VPS54: variants seen among roughly 807,000 people sequenced by gnomAD.
VPS54 encodes VPS54 subunit of GARP complex.
In VPS54, 45 loss-of-function variants were observed where a neutral mutation model predicts 121.5. The ratio of observed to expected loss-of-function variants is 0.37; its 90% CI spans 0.29 to 0.47. The LOEUF (loss-of-function observed/expected upper bound fraction) is 0.47. VPS54 is among the 20% of genes least tolerant of loss of function. The pLI is 0.99. For synonymous variants in VPS54, 371 were observed against 385.8 expected, an observed-to-expected ratio of 0.96 and a Z score of 0.45; for missense variants, 1,090 against 1,131.4, an observed-to-expected ratio of 0.96 and a Z score of 0.52.
At chr2:63,994,466 T>C (rs992811883) in intron 1 of VPS54, among the ~76,000 whole-genome samples, 1 of 152,110 alleles carries the variant, frequency 6.6e-6, no homozygotes, top group Non-Finnish European at 1.5e-5. Context: ...CTAATGATAG[T>C]GTGTGGATGC....
chr2:63,937,412 T>C (rs1674502553), intron 11 of VPS54, among the ~76,000 whole-genome samples: 1 of 152,150 alleles, frequency 6.6e-6, no homozygotes, highest in East Asian at 1.9e-4. Context: ...TCACTCATCA[T>C]TAGAAAAATG....
rs572302287 is a variant in VPS54 at position 63,910,917 on chromosome 2, G to C, written c.2625+1428C>G. Among the ~76,000 whole-genome samples, 105 of 152,148 alleles carry C rather than the reference G, an allele frequency of 6.9e-4. 1 individual carries two copies. The South Asian group carries it at 0.021, about 31-fold the overall frequency. ...ATTAATTGTTCCACTATTTTTGTTTGTTTGTTTTAGAGACCGGGTCTTGCT... is the reference window on the plus strand; with the variant it reads ...ATTAATTGTTCCACTATTTTTGTTTCTTTGTTTTAGAGACCGGGTCTTGCT... On this transcript the variant is annotated intron_variant, in intron 20 of 22. Transcript: ENST00000272322.
chr2:63,996,925 A>T (rs1003815890), intron 1 of VPS54, among the ~76,000 whole-genome samples: 2 of 151,956 alleles, frequency 1.3e-5, no homozygotes, highest in Admixed American at 6.6e-5. Flanking sequence ...CCCACACCCT[A>T]TTCATACACT....
At chr2:63,977,574 T>C (rs971462188) in intron 3 of VPS54, among the ~76,000 whole-genome samples, 3 of 152,242 alleles carry the variant, frequency 2.0e-5, no homozygotes, top group Admixed American at 6.5e-5. Flanking sequence ...GATTCTTAGT[T>C]TCCATCTCTC....
chr2:63,997,155 C>CT (rs1677636146), intron 1 of VPS54, among the ~76,000 whole-genome samples: 1 of 152,158 alleles, frequency 6.6e-6, no homozygotes, highest in Non-Finnish European at 1.5e-5. Context: ...AGACATAGGC[C>CT]TGCAGTTTCG....
At chr2:63,962,993 T>C (rs376943662) in intron 6 of VPS54, among the ~76,000 whole-genome samples, 3 of 152,128 alleles carry the variant, frequency 2.0e-5, no homozygotes, top group East Asian at 3.8e-4. Context: ...AGTTACTAAG[T>C]AGCAAAACTA....
At chr2:64,010,651 T>C (rs1678386442) in intron 1 of VPS54, among the ~76,000 whole-genome samples, 1 of 150,570 alleles carries the variant, frequency 6.6e-6, no homozygotes, top group Non-Finnish European at 1.5e-5. Context: ...TATACACAAA[T>C]AGCAATATAC....
chr2:64,017,014 T>C (rs533087736), intron 1 of VPS54, among the ~76,000 whole-genome samples: 2 of 145,108 alleles, frequency 1.4e-5, no homozygotes, highest in Non-Finnish European at 3.0e-5. Flanking sequence ...AATTAACTTT[T>C]GTTGATTAAA....
chr2:63,991,179 C>T (rs568678484), intron 1 of VPS54, among the ~76,000 whole-genome samples: 87 of 152,266 alleles, frequency 5.7e-4, no homozygotes, highest in African/African-American at 1.7e-3. Context: ...ATAAATTATG[C>T]GCCCCAGGCC....
rs547051031 is a variant in VPS54 at position 63,892,449 on chromosome 2, A to G, written c.*981T>C. 3.3e-5 allele frequency: 5 copies of G among 152,668 alleles called. No homozygotes were observed. In the South Asian group the frequency reaches 6.2e-4, roughly 19 times the overall value. 9.5% of individuals were successfully genotyped at this position (152,668 alleles called of 1,614,324 possible). On this transcript the variant is annotated 3_prime_UTR_variant, in exon 23 of 23. Coordinates refer to ENST00000272322, the MANE Select transcript of VPS54 (RefSeq NM_016516.3). ...ATTTCTGGCCCCAACACAGCAGCCTATAGTTTTAAAAGTTCTGTTTCTCCC... is the reference window on the plus strand; with the variant it reads ...ATTTCTGGCCCCAACACAGCAGCCTGTAGTTTTAAAAGTTCTGTTTCTCCC...
intron 3 of VPS54, chr2:63,974,886 C>T: frequency 6.9e-6 from 9 of 1,312,508 alleles, no homozygotes; most frequent in Non-Finnish European, 9.2e-6. Context: ...AACAGTTTTA[C>T]TTCTTCCTAA....
At chr2:63,975,408 G>A (rs929920679) in intron 3 of VPS54, 1 of 169,910 alleles carries the variant, frequency 5.9e-6, no homozygotes. Flanking sequence ...TAACAAATTA[G>A]CCACAAGATT....
At chr2:64,010,619 A>T (rs922589362) in intron 1 of VPS54, among the ~76,000 whole-genome samples, 7 of 152,212 alleles carry the variant, frequency 4.6e-5, no homozygotes, top group African/African-American at 1.4e-4. Context: ...ATTTCTGGCA[A>T]ATGTAAGTTT....
intron 12 of VPS54, among the ~76,000 whole-genome samples, chr2:63,932,800 G>A (rs182359525): frequency 5.9e-4 from 89 of 151,904 alleles, no homozygotes; most frequent in South Asian, 3.9e-3. Flanking sequence ...TTTTGATAAC[G>A]GAGATTACTG....
chr2:63,938,059 G>GTGGTGTGTGTGT (rs9309357), intron 11 of VPS54, among the ~76,000 whole-genome samples: 4,097 of 140,412 alleles, frequency 0.029, 138 homozygotes, highest in Admixed American at 0.083. Flanking sequence ...TGGTGTGTGT[G>GTGGTGTGTGTGT]GTGTGTGTGT....
intron 3 of VPS54, chr2:63,975,506 G>C (rs1210141853): frequency 1.3e-5 from 2 of 154,918 alleles, no homozygotes; most frequent in Non-Finnish European, 2.9e-5. Flanking sequence ...ATCCATGCTT[G>C]AGATATTTTG....
intron 5 of VPS54, 125 bp from the exon 6 acceptor site, chr2:63,966,091 A>T (rs981693665): frequency 2.8e-5 from 26 of 942,092 alleles, no homozygotes; most frequent in African/African-American, 6.7e-5. Flanking sequence ...AAAGCAAGTG[A>T]TAACAGTTGA....
chr2:63,978,052 G>T (rs1375958198), intron 3 of VPS54, among the ~76,000 whole-genome samples: 2 of 152,170 alleles, frequency 1.3e-5, no homozygotes, highest in Non-Finnish European at 2.9e-5. Context: ...GTGAAGGGAG[G>T]GGAAGCATTC....
intron 1 of VPS54, among the ~76,000 whole-genome samples, chr2:63,990,631 TCA>T (rs1367432304): frequency 6.6e-6 from 1 of 150,764 alleles, no homozygotes; most frequent in Non-Finnish European, 1.5e-5. Flanking sequence ...CCCCTCAACC[TCA>T]GTTTCCCTTA....
Sources: allele counts gnomAD v4.1 joint callset (sites outside exome capture counted in the v4.1 genomes callset), GRCh38; gene constraint gnomAD v4.1.1; transcripts MANE v1.5; gene names NCBI Gene and HGNC (gene_info 2026-07-23, HGNC 2026-07-21).